UTRN: variants seen among roughly 807,000 people sequenced by gnomAD.
The protein encoded by UTRN is utrophin, also known as dystrophin-related protein 1.
Under a neutral mutation model 463.9 loss-of-function variants are expected in UTRN, and 283 were observed. The ratio of observed to expected loss-of-function variants is 0.61; its 90% confidence interval spans 0.55 to 0.67. UTRN has a LOEUF of 0.67. Ranked by LOEUF, UTRN falls within the 30% of genes least tolerant of loss-of-function variation. The probability of loss-of-function intolerance (pLI) is 0.00; values close to 1 mark genes in which losing one functional copy is unlikely to be tolerated. For synonymous variants in UTRN, 1,442 were observed against 1,431.5 expected (o/e 1.01, Z -0.17); for missense variants, 3,922 against 4,084.3 (o/e 0.96, Z 1.08).
chr6:144,694,099 G>A (rs1236313562), intron 52 of UTRN, among the ~76,000 whole-genome samples: 2 of 151,926 alleles, frequency 1.3e-5, no homozygotes, highest in African/African-American at 2.4e-5. Flanking sequence ...TTTAACCTAA[G>A]GGGTGTTGAA....
chr6:144,425,625 C>T (rs962246284), intron 6 of UTRN, among the ~76,000 whole-genome samples: 2 of 152,098 alleles, frequency 1.3e-5, no homozygotes, highest in African/African-American at 4.8e-5. Flanking sequence ...TCTCTCTCTC[C>T]ATTCATTTAT....
intron 2 of UTRN, among the ~76,000 whole-genome samples, chr6:144,300,027 A>G (rs1285857598): frequency 4.6e-5 from 7 of 152,126 alleles, no homozygotes; most frequent in Non-Finnish European, 2.9e-5. Context: ...GAGTTAAGTG[A>G]CATAGACCAC....
chr6:144,531,543 GT>G, intron 42 of UTRN, among the ~76,000 whole-genome samples: 1 of 152,174 alleles, frequency 6.6e-6, no homozygotes, highest in South Asian at 2.1e-4. Context: ...CCTCACCTCT[GT>G]TTTTTGTACT....
At chr6:144,346,459 G>T (rs768257690) in intron 2 of UTRN, among the ~76,000 whole-genome samples, 3 of 152,110 alleles carry the variant, frequency 2.0e-5, no homozygotes, top group Non-Finnish European at 4.4e-5. Context: ...TGATTTTTTT[G>T]TGTGTGTCCA....
At chr6:144,308,789 C>T (rs969069902) in intron 2 of UTRN, among the ~76,000 whole-genome samples, 4 of 152,154 alleles carry the variant, frequency 2.6e-5, no homozygotes, top group African/African-American at 4.8e-5. Context: ...TTAGTGGATC[C>T]GCTTACAAAC....
At chr6:144,483,068 T>C (rs572434617) in intron 27 of UTRN, among the ~76,000 whole-genome samples, 1 of 152,208 alleles carries the variant, frequency 6.6e-6, no homozygotes, top group South Asian at 2.1e-4. Context: ...TACATTCAAT[T>C]TGACGTAAAA....
chr6:144,632,533 C>A (rs1585678175), intron 51 of UTRN, among the ~76,000 whole-genome samples: 1 of 151,874 alleles, frequency 6.6e-6, no homozygotes, highest in Non-Finnish European at 1.5e-5. Flanking sequence ...AATTGTCTTT[C>A]TTGACAGCAG....
chr6:144,788,426 T>C (rs1029102285), intron 61 of UTRN, among the ~76,000 whole-genome samples: 4 of 152,216 alleles, frequency 2.6e-5, no homozygotes, highest in Non-Finnish European at 5.9e-5. Flanking sequence ...TAGTTAATTT[T>C]CTAGTCTGTG....
chr6:144,428,411 A>AT (rs1390468235), intron 7 of UTRN, among the ~76,000 whole-genome samples: 2 of 121,346 alleles, frequency 1.6e-5, no homozygotes, highest in Non-Finnish European at 3.5e-5. Flanking sequence ...CATTTTTCTT[A>AT]TTTTTTCTGT....
chr6:144,293,676 C>T (rs1021169612), intron 2 of UTRN, among the ~76,000 whole-genome samples: 2 of 152,018 alleles, frequency 1.3e-5, no homozygotes, highest in African/African-American at 4.8e-5. Context: ...CAAAGTATTT[C>T]GAAAAGATCA....
intron 58 of UTRN, among the ~76,000 whole-genome samples, chr6:144,762,170 G>A (rs371980610): frequency 2.0e-5 from 3 of 152,190 alleles, no homozygotes; most frequent in East Asian, 1.9e-4. Context: ...TAATAAGCAC[G>A]CTTACAGCTT....
chr6:144,646,658 A>C (rs57633297), intron 51 of UTRN, among the ~76,000 whole-genome samples: 1,872 of 152,276 alleles, frequency 0.012, 36 homozygotes, highest in African/African-American at 0.042. Context: ...TCCTAAGTCA[A>C]GAAAACCTCT....
intron 33 of UTRN, among the ~76,000 whole-genome samples, chr6:144,498,754 A>C (rs1203165959): frequency 6.6e-6 from 1 of 151,920 alleles, no homozygotes; most frequent in African/African-American, 2.4e-5. Context: ...TCCAGGGCTC[A>C]AGCGATTCTC....
chr6:144,660,410 T>C, intron 51 of UTRN: 1 of 376,090 alleles, frequency 2.7e-6, no homozygotes, highest in Non-Finnish European at 5.3e-6. Flanking sequence ...TCAATTTTGC[T>C]GTCTCCTTTA....
intron 51 of UTRN, among the ~76,000 whole-genome samples, chr6:144,607,581 T>G (rs9403569): frequency 0.16 from 23,881 of 152,152 alleles, 2,107 homozygotes; most frequent in South Asian, 0.28. Context: ...GTAAAGGCTA[T>G]TTGTCTGATT....
At chr6:144,495,112 A>AGGTGGAGCTGCC (rs1338000240) in intron 33 of UTRN, among the ~76,000 whole-genome samples, 1 of 152,224 alleles carries the variant, frequency 6.6e-6, no homozygotes, top group Non-Finnish European at 1.5e-5. Flanking sequence ...CCCGGGCTGC[A>AGGTGGAGCTGCC]GGTGGAGCTG....
intron 19 of UTRN, among the ~76,000 whole-genome samples, chr6:144,454,842 A>G (rs1788663400): frequency 6.6e-6 from 1 of 152,172 alleles, no homozygotes; most frequent in Non-Finnish European, 1.5e-5. Flanking sequence ...ATTGAAATAC[A>G]TGACTTAGCT....
intron 51 of UTRN, among the ~76,000 whole-genome samples, chr6:144,626,577 T>C (rs946860320): frequency 6.6e-6 from 1 of 152,246 alleles, no homozygotes; most frequent in Non-Finnish European, 1.5e-5. Flanking sequence ...CACAGCTGCC[T>C]ACAGGCCACT....
rs745590538 is a variant in UTRN at position 144,444,370 on chromosome 6, A to T, written c.1602A>T (p.Leu534Phe). The stretch of plus-strand genomic sequence containing the variant: ...AAATCAATATATTGTGGCAGGAATT[A>T]TTGGAAGAACAGGTATGAAACTGTT... ...LQEINILWQELLEEQCLLKAW... is the reference protein window; with the variant it reads ...LQEINILWQEFLEEQCLLKAW... The change falls in exon 14 of 75, where the codon TTA (leucine) becomes TTT (phenylalanine). Residue 534 changes from leucine (L) to phenylalanine (F), a missense_variant. This residue lies in a region of UTRN where 2,349 missense variants were observed against 2,303.8 expected (regional missense o/e 1.02). Transcript: ENST00000367545. 3.7e-6 allele frequency: 6 copies of T among 1,608,718 alleles called. No homozygotes were observed. Among genetic ancestry groups the T allele is most frequent in the Non-Finnish European group, 5.1e-6 (6 of 1,176,876 alleles).
Sources: gnomAD v4.1 joint callset for allele counts (sites outside exome capture counted in the v4.1 genomes callset) on GRCh38, gnomAD v4.1.1 for gene constraint, gnomAD v4.1.1 regional missense constraint, MANE v1.5 for transcripts, NCBI Gene and HGNC (gene_info 2026-07-23, HGNC 2026-07-21) for gene names.